The following RBFOX1 variants were observed in gnomAD, a reference collection of about 807,000 sequenced individuals.
RBFOX1 encodes the protein RNA binding fox-1 homolog 1.
Under a neutral mutation model 57.7 loss-of-function variants are expected in RBFOX1, and 8 were observed. The observed-to-expected ratio is 0.14, with a 90% CI of 0.08 to 0.25. RBFOX1 has a LOEUF of 0.25. Among genes scored for constraint, RBFOX1 ranks in the 10% least tolerant of loss-of-function variants. The pLI is 1.00. For missense variants in RBFOX1, 611 were observed against 548.5 expected (o/e 1.11, Z -1.14); for synonymous variants, 326 against 222.4 (o/e 1.47, Z -4.15).
At chr16:6,321,536 GC>G (rs1465130923) in intron 2 of RBFOX1, among the ~76,000 whole-genome samples, 3 of 152,180 alleles carry the variant, frequency 2.0e-5, no homozygotes, top group Non-Finnish European at 4.4e-5. Flanking sequence ...TCTGCACAAT[GC>G]CACAGCATTC....
intron 3 of RBFOX1, among the ~76,000 whole-genome samples, chr16:6,996,551 C>G (rs1596425102): frequency 6.6e-6 from 1 of 152,128 alleles, no homozygotes. Flanking sequence ...ATTGTAAGTG[C>G]TTTCCAAATA....
At chr16:6,728,255 T>G (rs374771846) in intron 3 of RBFOX1, among the ~76,000 whole-genome samples, 1 of 152,252 alleles carries the variant, frequency 6.6e-6, no homozygotes, top group Non-Finnish European at 1.5e-5. Flanking sequence ...GTGGTATTTA[T>G]GCCTTTAAGC....
intron 4 of RBFOX1, among the ~76,000 whole-genome samples, chr16:7,085,695 C>T (rs755334172): frequency 2.0e-5 from 3 of 152,174 alleles, no homozygotes; most frequent in Admixed American, 6.5e-5. Flanking sequence ...TTGTGGGGAT[C>T]ATGTCCGGAG....
At chr16:7,203,047 A>G (rs2089022403) in intron 4 of RBFOX1, among the ~76,000 whole-genome samples, 1 of 152,198 alleles carries the variant, frequency 6.6e-6, no homozygotes, top group Non-Finnish European at 1.5e-5. Context: ...CGGCCTCCCA[A>G]AGTGCTGGGA....
At chr16:5,599,321 G>C in exon 3 of RBFOX1, 1 of 619,492 alleles carries the variant, frequency 1.6e-6, no homozygotes, top group Non-Finnish European at 2.9e-6. Context: ...GAAAGAAGTC[G>C]AATGTCATTG....
chr16:6,537,008 C>G (rs10468330), intron 2 of RBFOX1, among the ~76,000 whole-genome samples: 4,875 of 152,150 alleles, frequency 0.032, 228 homozygotes, highest in African/African-American at 0.089. Flanking sequence ...GGGAAAGAAA[C>G]CAAATGTACA....
chr16:7,310,993 G>T (rs1490177213), intron 4 of RBFOX1, among the ~76,000 whole-genome samples: 1 of 152,224 alleles, frequency 6.6e-6, no homozygotes, highest in Non-Finnish European at 1.5e-5. Context: ...GGAATCCTCT[G>T]CCGTGTCCGG....
intron 4 of RBFOX1, among the ~76,000 whole-genome samples, chr16:7,236,983 T>C (rs2093799931): frequency 6.6e-6 from 1 of 152,192 alleles, no homozygotes; most frequent in Non-Finnish European, 1.5e-5. Flanking sequence ...ATAAGCTGGC[T>C]TTGGAAGAGG....
chr16:6,063,408 C>T (rs1001912708), intron 1 of RBFOX1, among the ~76,000 whole-genome samples: 7 of 151,562 alleles, frequency 4.6e-5, no homozygotes, highest in African/African-American at 1.5e-4. Context: ...AGAGAAATGG[C>T]AGACATATTA....
chr16:6,156,916 C>T (rs1301347066), intron 1 of RBFOX1, among the ~76,000 whole-genome samples: 2 of 152,102 alleles, frequency 1.3e-5, no homozygotes, highest in African/African-American at 4.8e-5. Flanking sequence ...TATGGTTCAC[C>T]ATAGCCCCGA....
At chr16:7,445,891 GGTGA>G (rs1318869832) in intron 4 of RBFOX1, among the ~76,000 whole-genome samples, 5 of 152,138 alleles carry the variant, frequency 3.3e-5, no homozygotes, top group Non-Finnish European at 7.3e-5. Flanking sequence ...TCAATTGGAT[GGTGA>G]GTATTTTCCA....
intron 1 of RBFOX1, among the ~76,000 whole-genome samples, chr16:5,418,712 C>A: frequency 6.6e-6 from 1 of 152,152 alleles, no homozygotes; most frequent in East Asian, 1.9e-4. Flanking sequence ...ACTCCCTCTC[C>A]CAATGTTCCT....
chr16:7,281,535 T>C (rs1215846500), intron 4 of RBFOX1, among the ~76,000 whole-genome samples: 2 of 152,064 alleles, frequency 1.3e-5, no homozygotes, highest in Admixed American at 6.6e-5. Context: ...AAGAGACCAT[T>C]ATGTAAGTGT....
chr16:6,901,869 C>G (rs1201358552), intron 3 of RBFOX1, among the ~76,000 whole-genome samples: 1 of 152,118 alleles, frequency 6.6e-6, no homozygotes, highest in South Asian at 2.1e-4. Context: ...TTCTGGAGTT[C>G]CCCATGTGAG....
intron 2 of RBFOX1, among the ~76,000 whole-genome samples, chr16:6,633,199 C>A (rs1269641410): frequency 1.3e-5 from 2 of 152,296 alleles, no homozygotes; most frequent in East Asian, 3.9e-4. Context: ...GAACTACTTA[C>A]ATCCTCACAT....
chr16:6,996,198 A>G (rs1344780060), intron 3 of RBFOX1, among the ~76,000 whole-genome samples: 1 of 152,122 alleles, frequency 6.6e-6, no homozygotes, highest in Non-Finnish European at 1.5e-5. Flanking sequence ...TGCCTTTTTG[A>G]TTTCCTAGCC....
intron 4 of RBFOX1, among the ~76,000 whole-genome samples, chr16:5,928,321 G>C (rs968857557): frequency 5.9e-5 from 9 of 151,320 alleles, no homozygotes; most frequent in African/African-American, 2.2e-4. Context: ...GGCCTCAAAT[G>C]ATCCTCCAGC....
chr16:7,020,086 A>C (rs368450488), intron 3 of RBFOX1, among the ~76,000 whole-genome samples: 2 of 149,310 alleles, frequency 1.3e-5, no homozygotes, highest in South Asian at 2.1e-4. Context: ...TAGCCTCCCC[A>C]CTTCCATTGT....
At chr16:5,640,951 C>G (rs1048853428) in intron 3 of RBFOX1, among the ~76,000 whole-genome samples, 3 of 150,894 alleles carry the variant, frequency 2.0e-5, no homozygotes, top group Admixed American at 6.6e-5. Flanking sequence ...CATGCATACA[C>G]ACATGCATAC....
Sources: gnomAD v4.1 joint callset for allele counts (sites outside exome capture counted in the v4.1 genomes callset) on GRCh38, gnomAD v4.1.1 for gene constraint, MANE v1.5 for transcripts, NCBI Gene and HGNC (gene_info 2026-07-23, HGNC 2026-07-21) for gene names.